The following PCDHGA1 variants were observed in gnomAD, a reference collection of about 807,000 sequenced individuals.
PCDHGA1 encodes protocadherin gamma subfamily A, 1.
Under a neutral mutation model 58.0 loss-of-function variants are expected in PCDHGA1, and 32 were observed. The ratio of observed to expected loss-of-function variants is 0.55; its 90% CI spans 0.42 to 0.74. PCDHGA1 has a LOEUF of 0.74. Among genes scored for constraint, PCDHGA1 ranks in the 30% least tolerant of loss-of-function variants. The pLI is 0.00. For synonymous variants in PCDHGA1, 498 were observed against 501.1 expected, an observed-to-expected ratio of 0.99 and a Z score of 0.08; for missense variants, 1,205 against 1,182.3, an observed-to-expected ratio of 1.02 and a Z score of -0.28.
At chr5:141,383,382 T>C in intron 1 of PCDHGA1, 1 of 1,614,050 alleles carries the variant, frequency 6.2e-7, no homozygotes, top group East Asian at 2.2e-5. Context: ...GGGATCCAGA[T>C]GTGGGCACGA....
At chr5:141,402,816 C>A (rs1009078444) in intron 1 of PCDHGA1, 4 of 1,261,760 alleles carry the variant, frequency 3.2e-6, no homozygotes, top group South Asian at 3.4e-5. Flanking sequence ...ATACCACAAA[C>A]CTGCTCCCAG....
intron 1 of PCDHGA1, chr5:141,372,352 C>T (rs1300220406): frequency 6.2e-7 from 1 of 1,613,912 alleles, no homozygotes; most frequent in South Asian, 1.1e-5. Flanking sequence ...GGACAGCAGC[C>T]TCTTTCAGCC....
chr5:141,342,859 T>A (rs1757218693), intron 1 of PCDHGA1: 1 of 152,186 alleles, frequency 6.6e-6, no homozygotes, highest in Non-Finnish European at 1.5e-5. Context: ...TTTCAGTTGG[T>A]TTTGAAAAAA....
chr5:141,372,773 T>G (rs1220480316), intron 1 of PCDHGA1: 1 of 1,610,720 alleles, frequency 6.2e-7, no homozygotes, highest in Non-Finnish European at 8.5e-7. Flanking sequence ...GTAATGACAA[T>G]CCAGAAATGC....
Position 141,489,866 on chromosome 5 carries a change from A to AGCTGGT in PCDHGA1, c.2422-4937_2422-4932dup. ...GATCGTGAAGCCCAGGCAAGACATC[A>AGCTGGT]GCTGGTGCTTACTGCTGTGGATGGG... On this transcript the variant is annotated intron_variant, in intron 1 of 3. Coordinates refer to ENST00000517417, the MANE Select transcript of PCDHGA1 (RefSeq NM_018912.3). The surrounding 1 kb of genome is among the most constrained non-coding windows in gnomAD (Gnocchi z 4.5). The AGCTGGT allele has an allele frequency of 1.2e-6, 2 of 1,614,220 alleles. No individual in the cohort carries two copies. The highest frequency in any genetic ancestry group is 1.7e-6 in the Non-Finnish European group (2 of 1,180,018).
chr5:141,377,582 T>A (rs1774132578), intron 1 of PCDHGA1: 1 of 150,722 alleles, frequency 6.6e-6, no homozygotes. Flanking sequence ...GGAGACAGAA[T>A]GAGACTTTTT....
At chr5:141,416,200 T>G (rs1318033556) in intron 1 of PCDHGA1, 2 of 152,444 alleles carry the variant, frequency 1.3e-5, no homozygotes, top group African/African-American at 4.8e-5. Context: ...ATTAACAATT[T>G]ATTTATAACA....
intron 1 of PCDHGA1, chr5:141,440,087 A>C (rs1014881024): frequency 6.6e-6 from 1 of 152,316 alleles, no homozygotes; most frequent in African/African-American, 2.4e-5. Context: ...CTTCATTCTA[A>C]GTGGGGAAAG....
intron 1 of PCDHGA1, among the ~76,000 whole-genome samples, chr5:141,347,479 A>G (rs1483126579): frequency 6.6e-6 from 1 of 152,082 alleles, no homozygotes; most frequent in African/African-American, 2.4e-5. Flanking sequence ...TCTCAATAAC[A>G]TAAAAATTGG....
intron 1 of PCDHGA1, among the ~76,000 whole-genome samples, chr5:141,401,414 A>G (rs539285035): frequency 1.3e-5 from 2 of 152,350 alleles, no homozygotes; most frequent in African/African-American, 4.8e-5. Flanking sequence ...AGAGAAAGAG[A>G]GAGACTGATT....
At chr5:141,340,043 GA>G in intron 1 of PCDHGA1, 1 of 1,614,138 alleles carries the variant, frequency 6.2e-7, no homozygotes, top group Non-Finnish European at 8.5e-7. Flanking sequence ...CTCAGTTTCT[GA>G]AGACTCTCTT....
At chr5:141,340,395 C>T (rs1207162256) in intron 1 of PCDHGA1, 1 of 1,614,174 alleles carries the variant, frequency 6.2e-7, no homozygotes, top group Non-Finnish European at 8.5e-7. Context: ...TTCTCAGTGA[C>T]GGCCCATGAC....
intron 1 of PCDHGA1, chr5:141,375,832 G>A (rs1771947844): frequency 2.5e-6 from 4 of 1,614,028 alleles, no homozygotes; most frequent in Non-Finnish European, 3.4e-6. Context: ...GCTCCGCAGA[G>A]CCCGGCTACC....
At chr5:141,357,452 A>C in intron 1 of PCDHGA1, 1 of 1,614,228 alleles carries the variant, frequency 6.2e-7, no homozygotes, top group Non-Finnish European at 8.5e-7. Context: ...GCTTTCCTGC[A>C]GACCTATTCC....
chr5:141,394,912 T>C (rs1205097386), intron 1 of PCDHGA1: 11 of 1,613,694 alleles, frequency 6.8e-6, no homozygotes, highest in Non-Finnish European at 9.3e-6. Context: ...GTGGCTGCCA[T>C]CTCCTGTGTC....
chr5:141,331,829 C>T lies in PCDHGA1; in HGVS notation c.1145C>T (p.Thr382Ile). 1 of 1,614,108 alleles carries T rather than the reference C, an allele frequency of 6.2e-7. No individual in the cohort carries two copies. The highest frequency in any genetic ancestry group is 8.5e-7 in the Non-Finnish European group (1 of 1,180,018). The change falls in exon 1 of 4, where the codon ACC becomes ATC. Residue 382 changes from threonine to isoleucine, a missense_variant. Coordinates refer to ENST00000517417, the MANE Select transcript of PCDHGA1 (RefSeq NM_018912.3). ...CAGGACTCAGGAGACAATGGCTACA[C>T]CACATGTTTCATTCCTGGAAATTTA... ...HDQDSGDNGY[T>I]TCFIPGNLPF...
At chr5:141,357,525 T>C (rs1015704388) in intron 1 of PCDHGA1, 22 of 1,614,088 alleles carry the variant, frequency 1.4e-5, no homozygotes, top group East Asian at 6.7e-5. Context: ...AACCCAGCTA[T>C]GCAGACACGC....
intron 1 of PCDHGA1, chr5:141,383,089 GT>G: frequency 1.2e-6 from 2 of 1,613,932 alleles, no homozygotes; most frequent in Non-Finnish European, 1.7e-6. Context: ...GGAGCGCGGA[GT>G]CCGCATCATC....
chr5:141,343,121 T>C (rs546605199), intron 1 of PCDHGA1: 7 of 202,290 alleles, frequency 3.5e-5, no homozygotes, highest in Admixed American at 6.5e-5. Flanking sequence ...TGTTTGCTTT[T>C]ATATCCTTAT....
Sources: allele counts gnomAD v4.1 joint callset (sites outside exome capture counted in the v4.1 genomes callset), GRCh38; gene constraint gnomAD v4.1.1; non-coding constraint Gnocchi (gnomAD v3.1); transcripts MANE v1.5; gene names NCBI Gene and HGNC (gene_info 2026-07-23, HGNC 2026-07-21).